ASGR1: variants seen among roughly 807,000 people sequenced by gnomAD.
ASGR1 encodes the protein C-type lectin domain family 4 member H1.
In ASGR1, 35 loss-of-function variants were observed where a neutral mutation model predicts 33.1. The ratio of observed to expected loss-of-function variants is 1.06; its 90% confidence interval spans 0.81 to 1.40. The LOEUF (loss-of-function observed/expected upper bound fraction) is 1.40, where lower values mean the gene tolerates loss of function less well. ASGR1 is among the 40% of genes most tolerant of loss of function. The pLI, the probability that ASGR1 is intolerant of heterozygous loss-of-function variation, is 0.00. For missense variants in ASGR1, 396 were observed against 373.7 expected, an observed-to-expected ratio of 1.06 and a Z score of -0.49; for synonymous variants, 142 against 152.5, an observed-to-expected ratio of 0.93 and a Z score of 0.51.
rs759347938 is a variant in ASGR1, at chr17:7,174,476, G to A, written c.356-16C>T. 2.5e-6 allele frequency: 4 copies of A among 1,608,630 alleles called. No homozygotes were observed. The highest frequency in any genetic ancestry group is 2.2e-5 in the East Asian group (1 of 44,754). ...CTGGAGTGATCTGGGGAGACCGGGC[G>A]GAGGGGAGCGGGAGGAGATGCGGAA... On this transcript the variant is annotated splice_polypyrimidine_tract_variant and intron_variant, in intron 5 of 8. Transcript: ENST00000269299.
intron 5 of ASGR1, among the ~76,000 whole-genome samples, chr17:7,176,215 TCA>T (rs2069203183): frequency 1.8e-5 from 2 of 111,634 alleles, no homozygotes; most frequent in African/African-American, 4.0e-5. Flanking sequence ...ATTCTCACAC[TCA>T]CAAACACACA....
rs540960923 is a variant in ASGR1 at position 7,175,565 on chromosome 17, T to TACAC, written c.356-1109_356-1106dup. ...AATGCACATTCACACAACACGCACA[T>TACAC]ACACACACTCACATGCACTTACACA... is the stretch of plus-strand genomic sequence containing the variant. On this transcript the variant is annotated intron_variant, in intron 5 of 8. Coordinates refer to ENST00000269299, the MANE Select transcript of ASGR1 (RefSeq NM_001671.5). Among the ~76,000 whole-genome samples the TACAC allele has an allele frequency of 1.7e-4, 25 of 151,484 alleles. No individual in the cohort carries two copies. In the South Asian group the frequency reaches 3.9e-3, roughly 24 times the overall value.
At chr17:7,175,782 C>A (rs1483199545) in intron 5 of ASGR1, among the ~76,000 whole-genome samples, 1 of 139,088 alleles carries the variant, frequency 7.2e-6, no homozygotes, top group Non-Finnish European at 1.5e-5. Flanking sequence ...CACACAGGCT[C>A]TCACACACAC....
At chr17:7,178,733 CTT>C (rs1037452405) in intron 1 of ASGR1, 145 bp from the exon 2 acceptor site, 2 of 192,628 alleles carry the variant, frequency 1.0e-5, no homozygotes, top group Non-Finnish European at 2.0e-5. Flanking sequence ...TCTTTTTTTT[CTT>C]TTCTTTTTTT....
intron 5 of ASGR1, 145 bp downstream of exon 5, chr17:7,176,685 C>T: frequency 8.1e-7 from 1 of 1,233,888 alleles, no homozygotes; most frequent in Non-Finnish European, 1.1e-6. Context: ...CACACTCCCC[C>T]TCATTCTCAC....
At chr17:7,176,723 C>T in intron 5 of ASGR1, 107 bp downstream of exon 5, 8 of 1,495,312 alleles carry the variant, frequency 5.4e-6, no homozygotes, top group South Asian at 2.4e-5. Context: ...CACACACTCC[C>T]TCTCATTCTC....
intron 5 of ASGR1, among the ~76,000 whole-genome samples, chr17:7,175,002 TAA>T (rs1365774865): frequency 1.5e-5 from 2 of 132,518 alleles, no homozygotes; most frequent in East Asian, 2.3e-4. Flanking sequence ...CAACACACCC[TAA>T]CTCACATACA....
At chr17:7,177,109 G>C in intron 3 of ASGR1, 33 bp from the exon 4 acceptor site, 2 of 1,613,446 alleles carry the variant, frequency 1.2e-6, no homozygotes, top group Non-Finnish European at 1.7e-6. Context: ...AGAAGAAAAC[G>C]GGATCGCTGT....
Position 7,173,933 on chromosome 17 carries a change from C to T in ASGR1, c.701+28G>A. ...GCCCCAGGGCGCGAAGGCGGCCGGACCCAGGCCGAGGGAGGGCGCGCACTC... is the reference window on the plus strand; with the variant it reads ...GCCCCAGGGCGCGAAGGCGGCCGGATCCAGGCCGAGGGAGGGCGCGCACTC... On this transcript the variant is annotated intron_variant, in intron 8 of 8. Transcript: ENST00000269299. This position sits in a 1 kb window ranked among gnomAD's most constrained non-coding sequence, Gnocchi z 4.7. The T allele has an allele frequency of 6.2e-7, 1 of 1,613,612 alleles. No individual in the cohort carries two copies. The highest frequency in any genetic ancestry group is 8.5e-7 in the Non-Finnish European group (1 of 1,179,800).
intron 5 of ASGR1, among the ~76,000 whole-genome samples, chr17:7,175,152 A>C (rs1162665076): frequency 1.4e-5 from 2 of 145,874 alleles, no homozygotes; most frequent in African/African-American, 5.1e-5. Context: ...AACACACACA[A>C]AACACACACA....
Position 7,176,972 on chromosome 17 carries a change from C to T in ASGR1, c.283+9G>A. The T allele has an allele frequency of 2.5e-6, 4 of 1,604,872 alleles. No homozygotes were observed. The South Asian group carries it at 3.3e-5, about 13-fold the overall frequency. On this transcript the variant is annotated intron_variant, in intron 4 of 8. Coordinates refer to ENST00000269299, the MANE Select transcript of ASGR1 (RefSeq NM_001671.5). ...AGCCCCAGCCCCAGCCCCGCCCCAG[C>T]GCCCTCACCCTGGGTGCTCAAGCCC...
intron 5 of ASGR1, 133 bp from the exon 6 acceptor site, chr17:7,174,593 T>C: frequency 1.2e-6 from 1 of 862,750 alleles, no homozygotes; most frequent in Non-Finnish European, 1.8e-6. Context: ...AGCAGCGGAG[T>C]TGGCCTGAGA....
At position 7,177,243 on chromosome 17, in the gene ASGR1, G is replaced by A; in HGVS notation, c.154C>T (p.Leu52=). 1 of 1,613,666 alleles carries A rather than the reference G, an allele frequency of 6.2e-7. No individual in the cohort carries two copies. The highest frequency in any genetic ancestry group is 1.1e-5 in the South Asian group (1 of 91,024). ...LLLSLGLSLL[L]LVVVCVIGSQ... ...CCGATCACACAGACAACCACAAGCAGCAGGAGGCTGAGGCCCAGGGAGAGC... is the reference window on the plus strand; with the variant it reads ...CCGATCACACAGACAACCACAAGCAACAGGAGGCTGAGGCCCAGGGAGAGC... The change falls in exon 3 of 9, where the codon CTG becomes TTG. Residue 52 remains leucine, a synonymous_variant. Coordinates refer to ENST00000269299, the MANE Select transcript of ASGR1 (RefSeq NM_001671.5).
At chr17:7,176,188 C>T (rs1275551003) in intron 5 of ASGR1, among the ~76,000 whole-genome samples, 3 of 143,074 alleles carry the variant, frequency 2.1e-5, no homozygotes, top group African/African-American at 8.7e-5. Flanking sequence ...TTCTCACACT[C>T]ACACACACCC....
intron 5 of ASGR1, chr17:7,176,590 A>G: frequency 3.5e-6 from 2 of 575,842 alleles, no homozygotes; most frequent in East Asian, 3.0e-5. Flanking sequence ...ACTCACACAC[A>G]CTCCATCTCA....
chr17:7,175,084 TAC>T (rs1020236319), intron 5 of ASGR1, among the ~76,000 whole-genome samples: 15 of 120,496 alleles, frequency 1.2e-4, no homozygotes, highest in Admixed American at 8.7e-4. Flanking sequence ...GTAACCCACA[TAC>T]ACAGACAACA....
At position 7,177,078 on chromosome 17, in the gene ASGR1, T is replaced by C. The variant is rs753963480; in HGVS notation, c.188-2A>G. 7 of 1,613,838 alleles carry C rather than the reference T, an allele frequency of 4.3e-6. No homozygotes were observed. The Admixed American group carries it at 6.7e-5, about 15-fold the overall frequency. On this transcript the variant is annotated splice_acceptor_variant, in intron 3 of 8. Transcript: ENST00000269299. LOFTEE classifies it high-confidence loss of function. The stretch of plus-strand genomic sequence containing the variant: ...GCAGCTCCTCCTGCAGCTGGGAGTC[T>C]GGCCAGGACAGCGTGCAGAGAGAAG...
intron 5 of ASGR1, among the ~76,000 whole-genome samples, chr17:7,175,909 TCA>T (rs61724134): frequency 1.0e-3 from 138 of 131,742 alleles, no homozygotes; most frequent in Middle Eastern, 7.4e-3. Flanking sequence ...ATTCTCACAC[TCA>T]CAGACACAAT....
chr17:7,176,722 C>T (rs2069219272), intron 5 of ASGR1, 108 bp downstream of exon 5: 7 of 1,464,260 alleles, frequency 4.8e-6, no homozygotes, highest in South Asian at 1.2e-5. Flanking sequence ...ACACACACTC[C>T]CTCTCATTCT....
Sources: gnomAD v4.1 joint callset for allele counts (sites outside exome capture counted in the v4.1 genomes callset) on GRCh38, gnomAD v4.1.1 for gene constraint, Gnocchi (gnomAD v3.1) non-coding constraint, MANE v1.5 for transcripts, NCBI Gene and HGNC (gene_info 2026-07-23, HGNC 2026-07-21) for gene names.